RBFOX2: variants seen among roughly 807,000 people sequenced by gnomAD.
RBFOX2 encodes the protein RNA binding protein fox-1 homolog 2.
In RBFOX2, 10 loss-of-function variants were observed where a neutral mutation model predicts 49.1. The observed-to-expected ratio is 0.20, with a 90% CI of 0.13 to 0.35. The LOEUF is 0.35. Ranked by LOEUF, RBFOX2 falls within the 10% of genes least tolerant of loss-of-function variation. The pLI, the probability that RBFOX2 is intolerant of heterozygous loss-of-function variation, is 1.00. For missense variants in RBFOX2, 323 were observed against 486.9 expected, an observed-to-expected ratio of 0.66 and a Z score of 3.17; for synonymous variants, 183 against 187.4, an observed-to-expected ratio of 0.98 and a Z score of 0.19.
At chr22:35,938,212 C>T (rs191453344) in intron 1 of RBFOX2, among the ~76,000 whole-genome samples, 5 of 152,256 alleles carry the variant, frequency 3.3e-5, no homozygotes, top group Admixed American at 6.5e-5. Context: ...TCTGTTTCAA[C>T]GTCATGGGCT....
At chr22:35,802,536 T>A (rs184251456) in intron 2 of RBFOX2, among the ~76,000 whole-genome samples, 358 of 152,272 alleles carry the variant, frequency 2.4e-3, no homozygotes, top group African/African-American at 8.3e-3. Context: ...CTTAGTTTTA[T>A]CAGGTGAGGG....
At chr22:35,882,222 C>A (rs1391374285) in intron 1 of RBFOX2, among the ~76,000 whole-genome samples, 1 of 152,064 alleles carries the variant, frequency 6.6e-6, no homozygotes, top group African/African-American at 2.4e-5. Context: ...TGATGTCCTG[C>A]AAGTCAAGTA....
chr22:36,021,720 C>G (rs553285983), intron 1 of RBFOX2, among the ~76,000 whole-genome samples: 2 of 152,292 alleles, frequency 1.3e-5, no homozygotes, highest in East Asian at 3.9e-4. Context: ...TTTGCCCACC[C>G]AAATTACAGA....
At chr22:35,906,813 CCAAA>C (rs373509728) in intron 1 of RBFOX2, among the ~76,000 whole-genome samples, 4,617 of 151,924 alleles carry the variant, frequency 0.03, 98 homozygotes, top group East Asian at 0.045. Context: ...AGACTCTGTC[CCAAA>C]CAAACAAACA....
chr22:35,892,444 G>A (rs2047363845), intron 1 of RBFOX2, among the ~76,000 whole-genome samples: 1 of 152,174 alleles, frequency 6.6e-6, no homozygotes, highest in Non-Finnish European at 1.5e-5. Context: ...CTATCTCAGA[G>A]TTCTAGACAC....
At chr22:35,985,167 G>C (rs2057647029) in intron 1 of RBFOX2, among the ~76,000 whole-genome samples, 1 of 152,120 alleles carries the variant, frequency 6.6e-6, no homozygotes. Flanking sequence ...TCTCAGAATT[G>C]ACTCTTGCTA....
chr22:35,985,305 T>C (rs900820729), intron 1 of RBFOX2, among the ~76,000 whole-genome samples: 1 of 152,202 alleles, frequency 6.6e-6, no homozygotes, highest in African/African-American at 2.4e-5. Context: ...TCCAACTACC[T>C]ACTAGGTTTT....
chr22:35,896,772 T>C (rs1603442463), intron 1 of RBFOX2, among the ~76,000 whole-genome samples: 1 of 152,340 alleles, frequency 6.6e-6, no homozygotes, highest in Non-Finnish European at 1.5e-5. Context: ...TCTTTTTCTC[T>C]ACATAGAACC....
chr22:35,869,173 GC>G (rs1191149805), intron 1 of RBFOX2, among the ~76,000 whole-genome samples: 2 of 152,028 alleles, frequency 1.3e-5, no homozygotes, highest in African/African-American at 4.8e-5. Context: ...TACTAAAGGG[GC>G]TAGTCCACTA....
intron 4 of RBFOX2, chr22:35,777,700 A>G: frequency 3.7e-6 from 1 of 272,012 alleles, no homozygotes; most frequent in Non-Finnish European, 6.9e-6. Context: ...TAGTCTTTGC[A>G]CTTTTCCTTT....
chr22:35,744,826 T>C (rs1931832691), intron 11 of RBFOX2, among the ~76,000 whole-genome samples: 1 of 152,238 alleles, frequency 6.6e-6, no homozygotes, highest in African/African-American at 2.4e-5. Flanking sequence ...TTTACATATC[T>C]AGCTGGGGTT....
At chr22:35,961,461 A>G (rs2056198367) in intron 1 of RBFOX2, 1 of 1,227,100 alleles carries the variant, frequency 8.1e-7, no homozygotes, top group African/African-American at 1.6e-5. Context: ...CACACGACCG[A>G]CCTCTCTGCT....
rs1940668417 is a variant in RBFOX2 at position 35,765,538 on chromosome 22, C to T, written c.547-55G>A. 2.6e-5 allele frequency: 28 copies of T among 1,079,930 alleles called. 1 individual carries two copies. The South Asian group carries it at 4.2e-4, about 16-fold the overall frequency. 66.9% of individuals were successfully genotyped at this position (1,079,930 alleles called of 1,614,324 possible). On this transcript the variant is annotated intron_variant, in intron 5 of 11. Transcript: ENST00000405409. ...GGAAGAAGTGGACCACATTAGGGAA[C>T]ATAAAGTTGCACATCCAATAACAGA...
chr22:35,783,054 T>C (rs561865895), intron 2 of RBFOX2, among the ~76,000 whole-genome samples: 2 of 152,268 alleles, frequency 1.3e-5, no homozygotes, highest in African/African-American at 4.8e-5. Context: ...ACCCGGTAAA[T>C]TGAATTTACA....
At chr22:36,001,824 G>A (rs1407680700) in intron 1 of RBFOX2, among the ~76,000 whole-genome samples, 5 of 152,034 alleles carry the variant, frequency 3.3e-5, no homozygotes, top group Non-Finnish European at 7.4e-5. Context: ...AGCACTTTGA[G>A]AGGCCAAGGC....
intron 1 of RBFOX2, among the ~76,000 whole-genome samples, chr22:35,949,709 C>T (rs1393682684): frequency 6.6e-6 from 1 of 151,970 alleles, no homozygotes; most frequent in Non-Finnish European, 1.5e-5. Context: ...ATTTGTATAC[C>T]TTCTTTGGAG....
intron 1 of RBFOX2, among the ~76,000 whole-genome samples, chr22:35,970,516 C>T (rs1299691607): frequency 1.3e-5 from 2 of 151,414 alleles, no homozygotes; most frequent in Non-Finnish European, 2.9e-5. Context: ...CTTCAATTAA[C>T]CAGGCATGCT....
intron 1 of RBFOX2, among the ~76,000 whole-genome samples, chr22:35,953,092 T>C (rs2055132579): frequency 6.6e-6 from 1 of 151,666 alleles, no homozygotes; most frequent in East Asian, 1.9e-4. Flanking sequence ...GTGCCTGTAG[T>C]TCCAGCTGCT....
chr22:35,984,757 T>C (rs1450859446), intron 1 of RBFOX2, among the ~76,000 whole-genome samples: 2 of 152,172 alleles, frequency 1.3e-5, no homozygotes, highest in East Asian at 1.9e-4. Context: ...GAATATACTA[T>C]GTATTTTCAT....
Sources: allele counts gnomAD v4.1 joint callset (sites outside exome capture counted in the v4.1 genomes callset), GRCh38; gene constraint gnomAD v4.1.1; transcripts MANE v1.5; gene names NCBI Gene and HGNC (gene_info 2026-07-23, HGNC 2026-07-21).